CNTNAP2: variants seen among roughly 807,000 people sequenced by gnomAD.
CNTNAP2 encodes the protein contactin associated protein 2.
In CNTNAP2, 98 loss-of-function variants were observed where a neutral mutation model predicts 155.2. That is an observed-to-expected ratio of 0.63 (90% CI 0.54 to 0.75). CNTNAP2 has a LOEUF of 0.75. Among genes scored for constraint, CNTNAP2 ranks in the 30% least tolerant of loss-of-function variants. CNTNAP2 has a pLI of 0.00. For missense variants in CNTNAP2, 1,727 were observed against 1,688.1 expected, an observed-to-expected ratio of 1.02 and a Z score of -0.40; for synonymous variants, 651 against 631.2, an observed-to-expected ratio of 1.03 and a Z score of -0.47.
chr7:148,271,343 T>C (rs1796776063), intron 21 of CNTNAP2, among the ~76,000 whole-genome samples: 1 of 152,218 alleles, frequency 6.6e-6, no homozygotes, highest in African/African-American at 2.4e-5. Context: ...CATTGCAGAA[T>C]GTTTAGCATT....
intron 14 of CNTNAP2, among the ~76,000 whole-genome samples, chr7:147,914,652 C>T (rs528863745): frequency 6.6e-6 from 1 of 152,280 alleles, no homozygotes; most frequent in Non-Finnish European, 1.5e-5. Flanking sequence ...CCTCGACCTC[C>T]CCAGGCTCAG....
chr7:147,117,656 G>T lies in CNTNAP2; in HGVS notation c.755-3323G>T, dbSNP rs535709490. Among the ~76,000 whole-genome samples the T allele has an allele frequency of 1.4e-4, 22 of 152,070 alleles. No individual in the cohort carries two copies. The East Asian group carries it at 3.7e-3, about 25-fold the overall frequency. Reference sequence around the variant, plus strand: ...AATTCTAGGCTATTTGATTTATTTGGCAATTACCAATTTGAGTGGTCCAAA... The same window carrying T: ...AATTCTAGGCTATTTGATTTATTTGTCAATTACCAATTTGAGTGGTCCAAA... On this transcript the variant is annotated intron_variant, in intron 5 of 23. Coordinates refer to ENST00000361727, the MANE Select transcript of CNTNAP2 (RefSeq NM_014141.6).
chr7:146,780,956 C>T (rs1192977122), intron 2 of CNTNAP2, among the ~76,000 whole-genome samples: 4 of 151,782 alleles, frequency 2.6e-5, no homozygotes, highest in African/African-American at 4.8e-5. Flanking sequence ...GGGCCGGGCG[C>T]GGTGGCTCAC....
In CNTNAP2 at chr7:146,896,961, A is replaced by G. The variant is rs527703364; in HGVS notation, c.402+57057A>G. Among the ~76,000 whole-genome samples, 70 of 152,242 alleles carry G rather than the reference A, an allele frequency of 4.6e-4. 1 individual carries two copies. The highest frequency in any genetic ancestry group is 4.6e-3 in the South Asian group (22 of 4,828). ...GATTTAGATAAAGAGTATTTAATATATAATGTAAGGGCAATATTTTGAAAT... is the reference window on the plus strand; with the variant it reads ...GATTTAGATAAAGAGTATTTAATATGTAATGTAAGGGCAATATTTTGAAAT... On this transcript the variant is annotated intron_variant, in intron 3 of 23. Transcript: ENST00000361727.
chr7:148,415,301 G>A, intron 23 of CNTNAP2, 116 bp from the exon 24 acceptor site: 3 of 1,035,122 alleles, frequency 2.9e-6, no homozygotes, highest in South Asian at 2.7e-5. Flanking sequence ...TTGTTTTGGA[G>A]GTTGTGTTTT....
chr7:147,528,526 T>C (rs1799368976), intron 11 of CNTNAP2, among the ~76,000 whole-genome samples: 1 of 152,290 alleles, frequency 6.6e-6, no homozygotes, highest in East Asian at 1.9e-4. Context: ...CAGACACACA[T>C]GCACACACAT....
intron 13 of CNTNAP2, among the ~76,000 whole-genome samples, chr7:147,724,596 C>T (rs546168628): frequency 2.4e-4 from 36 of 152,090 alleles, no homozygotes; most frequent in Middle Eastern, 3.4e-3. Flanking sequence ...TTGAAAAATA[C>T]TTGTTCCCTG....
At chr7:148,282,855 C>G (rs1796997293) in intron 21 of CNTNAP2, among the ~76,000 whole-genome samples, 1 of 152,086 alleles carries the variant, frequency 6.6e-6, no homozygotes, top group Non-Finnish European at 1.5e-5. Context: ...ACACTTATTT[C>G]TGTCCCAAAT....
chr7:146,885,670 G>A (rs1254766690), intron 3 of CNTNAP2, among the ~76,000 whole-genome samples: 1 of 151,988 alleles, frequency 6.6e-6, no homozygotes, highest in Non-Finnish European at 1.5e-5. Context: ...CTTTTTGCAA[G>A]GAAAGCAATT....
chr7:148,097,904 T>G (rs948836518), intron 15 of CNTNAP2, among the ~76,000 whole-genome samples: 1 of 152,106 alleles, frequency 6.6e-6, no homozygotes, highest in African/African-American at 2.4e-5. Flanking sequence ...TTATCCTAGG[T>G]CAGGATAAGC....
At position 147,688,413 on chromosome 7, in the gene CNTNAP2, A is replaced by C. The variant is rs1796045148; in HGVS notation, c.2098+49107A>C. On this transcript the variant is annotated intron_variant, in intron 13 of 23. Transcript: ENST00000361727. ...ATGCAAGCATGCATGCTAACTTCAC[A>C]TTTCCACCCCTACTTATCTCTCCCA... is the stretch of plus-strand genomic sequence containing the variant. 3.9e-5 allele frequency among the ~76,000 whole-genome samples: 6 copies of C among 152,090 alleles called. No homozygotes were observed. The South Asian group carries it at 1.0e-3, about 26-fold the overall frequency.
At chr7:147,534,074 C>T (rs773789713) in intron 11 of CNTNAP2, among the ~76,000 whole-genome samples, 7 of 152,196 alleles carry the variant, frequency 4.6e-5, no homozygotes, top group Admixed American at 1.3e-4. Context: ...AACATGGAGG[C>T]TCAACCTGAT....
chr7:146,204,167 A>T (rs1225744881), intron 1 of CNTNAP2, among the ~76,000 whole-genome samples: 1 of 152,166 alleles, frequency 6.6e-6, no homozygotes, highest in Non-Finnish European at 1.5e-5. Context: ...AGAGATCTAA[A>T]TTATCTATTC....
intron 3 of CNTNAP2, among the ~76,000 whole-genome samples, chr7:146,953,229 A>T (rs1185488506): frequency 1.3e-5 from 2 of 151,990 alleles, no homozygotes; most frequent in African/African-American, 2.4e-5. Context: ...TTGCTGCTCA[A>T]GAAGTACCAG....
chr7:146,207,333 A>G (rs1351560560), intron 1 of CNTNAP2, among the ~76,000 whole-genome samples: 4 of 152,022 alleles, frequency 2.6e-5, no homozygotes, highest in African/African-American at 9.7e-5. Context: ...GTCTAAATCA[A>G]TTACTCTCTT....
Position 148,419,828 on chromosome 7 carries a change from G to C in CNTNAP2, c.*4212G>C, listed in dbSNP as rs1800075635. 1 of 152,202 alleles carries C rather than the reference G, an allele frequency of 6.6e-6. No individual in the cohort carries two copies. Among genetic ancestry groups the C allele is most frequent in the Non-Finnish European group, 1.5e-5 (1 of 68,080 alleles). The allele number at this position is 152,202 out of a possible 1,614,324, so 9.4% of individuals were successfully genotyped here. On this transcript the variant is annotated 3_prime_UTR_variant, in exon 24 of 24. Transcript: ENST00000361727. ...ATCCCCTTTCTCTCTCCCTGCCTTG[G>C]TGGGACCCTCCCTGTGTGACCTTGG...
At chr7:147,001,770 A>T (rs1259998676) in intron 3 of CNTNAP2, among the ~76,000 whole-genome samples, 1 of 151,810 alleles carries the variant, frequency 6.6e-6, no homozygotes, top group Non-Finnish European at 1.5e-5. Flanking sequence ...CAGGTATTTG[A>T]AAAAAAAGAA....
intron 8 of CNTNAP2, among the ~76,000 whole-genome samples, chr7:147,213,878 G>A (rs1448045008): frequency 6.6e-6 from 1 of 152,066 alleles, no homozygotes; most frequent in African/African-American, 2.4e-5. Flanking sequence ...GAAGATCCTA[G>A]ATTTCTGATG....
At chr7:147,561,876 T>G (rs1301396946) in intron 11 of CNTNAP2, among the ~76,000 whole-genome samples, 1 of 152,172 alleles carries the variant, frequency 6.6e-6, no homozygotes, top group African/African-American at 2.4e-5. Context: ...AAAATAAAAA[T>G]TACATTTATT....
Sources: allele counts gnomAD v4.1 joint callset (sites outside exome capture counted in the v4.1 genomes callset), GRCh38; gene constraint gnomAD v4.1.1; transcripts MANE v1.5; gene names NCBI Gene and HGNC (gene_info 2026-07-23, HGNC 2026-07-21).